The following KCNT2 variants were observed in gnomAD, a reference collection of about 807,000 sequenced individuals.
The protein encoded by KCNT2 is potassium sodium-activated channel subfamily T member 2.
A neutral mutation model predicts 153.8 loss-of-function variants in KCNT2; 67 were observed. That is an observed-to-expected ratio of 0.44 (90% CI 0.36 to 0.53). The LOEUF is 0.53. Ranked by LOEUF, KCNT2 falls within the 20% of genes least tolerant of loss-of-function variation. KCNT2 has a pLI of 0.00. For synonymous variants in KCNT2, 500 were observed against 458.8 expected, an observed-to-expected ratio of 1.09 and a Z score of -1.15; for missense variants, 975 against 1,354.8, an observed-to-expected ratio of 0.72 and a Z score of 4.40.
At chr1:196,372,931 G>C (rs1388283424) in intron 14 of KCNT2, among the ~76,000 whole-genome samples, 1 of 151,798 alleles carries the variant, frequency 6.6e-6, no homozygotes, top group Non-Finnish European at 1.5e-5. Context: ...AGACTACTGA[G>C]AAAAGACAGC....
intron 4 of KCNT2, among the ~76,000 whole-genome samples, chr1:196,480,724 CG>C (rs1248128166): frequency 6.6e-6 from 1 of 151,476 alleles, no homozygotes; most frequent in African/African-American, 2.4e-5. Context: ...GGCGTGGTGG[CG>C]GGCGCCTGTA....
intron 1 of KCNT2, among the ~76,000 whole-genome samples, chr1:196,516,078 G>A (rs1336849125): frequency 1.3e-5 from 2 of 152,236 alleles, no homozygotes; most frequent in African/African-American, 4.8e-5. Flanking sequence ...TCAGACCTGC[G>A]TACATACCCT....
At chr1:196,276,194 T>G (rs1014668158) in intron 25 of KCNT2, among the ~76,000 whole-genome samples, 1 of 152,032 alleles carries the variant, frequency 6.6e-6, no homozygotes. Context: ...CATCTCAAAA[T>G]AGTTCAACAT....
chr1:196,573,700 G>C (rs892804936), intron 1 of KCNT2, among the ~76,000 whole-genome samples: 1 of 151,928 alleles, frequency 6.6e-6, no homozygotes, highest in African/African-American at 2.4e-5. Context: ...AGGAGGGAAG[G>C]AAGGGAGCTG....
intron 14 of KCNT2, among the ~76,000 whole-genome samples, chr1:196,348,020 G>A (rs1375446517): frequency 2.0e-5 from 3 of 152,092 alleles, no homozygotes; most frequent in East Asian, 1.9e-4. Flanking sequence ...ACATGACATC[G>A]GTTCCGACAC....
intron 8 of KCNT2, among the ~76,000 whole-genome samples, chr1:196,435,133 GTGTATGTATATATATATATATATATATA>G (rs745880760): frequency 0.095 from 8,349 of 87,876 alleles, 524 homozygotes; most frequent in Non-Finnish European, 0.13. Flanking sequence ...ATGTGTGTGT[GTGTATGTATATATATATATATATATATA>G]TATATATATA....
intron 2 of KCNT2, among the ~76,000 whole-genome samples, chr1:196,491,368 A>G (rs1241583748): frequency 6.6e-6 from 1 of 151,996 alleles, no homozygotes; most frequent in African/African-American, 2.4e-5. Flanking sequence ...AATATTCCAT[A>G]TCATCAGTAT....
At chr1:196,423,736 C>CGA (rs1673409043) in intron 11 of KCNT2, among the ~76,000 whole-genome samples, 3 of 149,136 alleles carry the variant, frequency 2.0e-5, no homozygotes, top group Admixed American at 2.0e-4. Flanking sequence ...AAATATTTTC[C>CGA]AAAAAAAAAA....
intron 8 of KCNT2, among the ~76,000 whole-genome samples, chr1:196,444,179 T>C (rs1303099463): frequency 6.6e-6 from 1 of 151,230 alleles, no homozygotes; most frequent in East Asian, 2.0e-4. Flanking sequence ...CATGACCACA[T>C]GCATGTTCAT....
At chr1:196,272,536 T>A (rs1279199169) in intron 25 of KCNT2, among the ~76,000 whole-genome samples, 1 of 151,768 alleles carries the variant, frequency 6.6e-6, no homozygotes, top group Non-Finnish European at 1.5e-5. Context: ...ATGGAGAGGA[T>A]CTTCCAGATA....
intron 1 of KCNT2, among the ~76,000 whole-genome samples, chr1:196,537,755 T>C (rs760185670): frequency 1.3e-5 from 2 of 152,202 alleles, no homozygotes; most frequent in Non-Finnish European, 2.9e-5. Flanking sequence ...GAGTACTTCA[T>C]TGGGCTGCTT....
Position 196,425,850 on chromosome 1 carries a change from A to G in KCNT2, c.1121+2T>C. 6.2e-7 allele frequency: 1 copy of G among 1,611,858 alleles called. No individual in the cohort carries two copies. The highest frequency in any genetic ancestry group is 8.5e-7 in the Non-Finnish European group (1 of 1,178,658). Reference sequence around the variant, plus strand: ...TGCAAGATGAAAGGCAGGGATACCTACTTTGCTCTCAATAGGTCTTGATCT... The same window carrying G: ...TGCAAGATGAAAGGCAGGGATACCTGCTTTGCTCTCAATAGGTCTTGATCT... On this transcript the variant is annotated splice_donor_variant, in intron 11 of 27. Transcript: ENST00000294725. LOFTEE classifies it high-confidence loss of function.
intron 8 of KCNT2, among the ~76,000 whole-genome samples, chr1:196,443,974 T>C (rs1675467363): frequency 1.3e-5 from 2 of 151,388 alleles, no homozygotes; most frequent in Admixed American, 1.3e-4. Context: ...AAATGTAAGA[T>C]ATATTCCCAA....
rs142251468 is a variant in KCNT2, at chr1:196,547,528, A to G, written c.96-55187T>C. On this transcript the variant is annotated intron_variant, in intron 1 of 27. Transcript: ENST00000294725. ...AGAAACATTTACTTCAAGTTCAACA[A>G]TACTTTCAATTTCACTTAAGTTTGT... 5.3e-5 allele frequency among the ~76,000 whole-genome samples: 8 copies of G among 152,144 alleles called. No homozygotes were observed. In the South Asian group the frequency reaches 8.3e-4, roughly 16 times the overall value.
At chr1:196,371,220 C>CAAAAAAAAAAA (rs952744388) in intron 14 of KCNT2, among the ~76,000 whole-genome samples, 2 of 21,944 alleles carry the variant, frequency 9.1e-5, no homozygotes, top group African/African-American at 3.0e-4. Context: ...CCCGTCACTA[C>CAAAAAAAAAAA]AAAAAAAAAA....
chr1:196,245,392 G>C (rs558803578), intron 26 of KCNT2, among the ~76,000 whole-genome samples: 2 of 152,078 alleles, frequency 1.3e-5, no homozygotes, highest in African/African-American at 2.4e-5. Flanking sequence ...AGCCTTTCAA[G>C]AAAGATGGGT....
chr1:196,555,741 C>G (rs933680120), intron 1 of KCNT2, among the ~76,000 whole-genome samples: 6 of 151,300 alleles, frequency 4.0e-5, no homozygotes, highest in African/African-American at 1.5e-4. Flanking sequence ...TGACCTGATT[C>G]AAATTATACT....
chr1:196,276,061 A>G (rs1234997894), intron 25 of KCNT2, among the ~76,000 whole-genome samples: 2 of 151,910 alleles, frequency 1.3e-5, no homozygotes, highest in East Asian at 3.9e-4. Flanking sequence ...CTCTGTTTCT[A>G]TAGAATATGC....
At chr1:196,294,200 A>C (rs934923904) in intron 22 of KCNT2, among the ~76,000 whole-genome samples, 6 of 152,160 alleles carry the variant, frequency 3.9e-5, no homozygotes, top group African/African-American at 1.4e-4. Flanking sequence ...AGACAAAATA[A>C]GTGTTAGCCA....
Sources: allele counts gnomAD v4.1 joint callset (sites outside exome capture counted in the v4.1 genomes callset), GRCh38; gene constraint gnomAD v4.1.1; transcripts MANE v1.5; gene names NCBI Gene and HGNC (gene_info 2026-07-23, HGNC 2026-07-21).